Variants in ANK2 observed in about 807,000 individuals in gnomAD.
The protein encoded by ANK2 is ankyrin 2.
A neutral mutation model predicts 360.5 loss-of-function variants in ANK2; 83 were observed. The observed-to-expected ratio is 0.23, with a 90% CI of 0.19 to 0.28. The LOEUF is 0.28. ANK2 is among the 10% of genes least tolerant of loss of function. ANK2 has a pLI of 1.00. For synonymous variants in ANK2, 1,740 were observed against 1,759.5 expected (o/e 0.99, Z 0.28); for missense variants, 4,201 against 4,795.7 (o/e 0.88, Z 3.66).
At chr4:113,285,600 T>C (rs776531496) in intron 18 of ANK2, among the ~76,000 whole-genome samples, 13 of 152,076 alleles carry the variant, frequency 8.5e-5, no homozygotes, top group Non-Finnish European at 1.6e-4. Flanking sequence ...ACAGCTTCCA[T>C]GCCCTTCCTG....
In ANK2 at chr4:113,085,545, G is replaced by C. The variant is rs1413083792; in HGVS notation, c.84+35733G>C. 2.6e-5 allele frequency among the ~76,000 whole-genome samples: 4 copies of C among 152,084 alleles called. No homozygotes were observed. The East Asian group carries it at 7.7e-4, about 29-fold the overall frequency. Reference sequence around the variant, plus strand: ...GATGGTCTTGATCTCGTGACCTCATGATCCACCTGCCTCGGCCTCCCAAAG... The same window carrying C: ...GATGGTCTTGATCTCGTGACCTCATCATCCACCTGCCTCGGCCTCCCAAAG... On this transcript the variant is annotated intron_variant, in intron 1 of 45. Coordinates refer to ENST00000357077, the MANE Select transcript of ANK2 (RefSeq NM_001148.6).
chr4:112,758,637 A>G, the ANK2 span, among the ~76,000 whole-genome samples: 1 of 151,972 alleles, frequency 6.6e-6, no homozygotes, highest in East Asian at 1.9e-4. Flanking sequence ...CTGGTCTTGA[A>G]CTTCTGACCT....
chr4:113,372,712 A>G (rs2096784262), intron 43 of ANK2: 1 of 970,302 alleles, frequency 1.0e-6, no homozygotes, highest in Non-Finnish European at 1.6e-6. Context: ...AAGGCTTGGC[A>G]TGTTCCTTAG....
chr4:112,725,357 C>CTT, the ANK2 span, among the ~76,000 whole-genome samples: 2,810 of 73,592 alleles, frequency 0.038, 341 homozygotes, highest in Non-Finnish European at 0.043. Flanking sequence ...AAGACACAGT[C>CTT]TTTTTTTTTT....
intron 1 of ANK2, among the ~76,000 whole-genome samples, chr4:113,157,835 T>A (rs899276485): frequency 6.6e-6 from 1 of 152,218 alleles, no homozygotes; most frequent in Non-Finnish European, 1.5e-5. Context: ...CTGCCACTTC[T>A]TACCCCAAAG....
chr4:113,010,369 G>A (rs1021112738), intron 2 of ANK2, among the ~76,000 whole-genome samples: 3 of 151,984 alleles, frequency 2.0e-5, no homozygotes, highest in African/African-American at 7.3e-5. Context: ...TGTAATATTG[G>A]ATTAAAAATA....
At chr4:113,346,091 C>A in intron 35 of ANK2, 69 bp downstream of exon 35, 1 of 1,589,020 alleles carries the variant, frequency 6.3e-7, no homozygotes, top group Non-Finnish European at 8.6e-7. Context: ...TGTTTTAGGT[C>A]AGTGCAAAAG....
intron 2 of ANK2, among the ~76,000 whole-genome samples, chr4:112,948,482 C>G (rs751711394): frequency 6.6e-6 from 1 of 151,964 alleles, no homozygotes; most frequent in Non-Finnish European, 1.5e-5. Context: ...ACAGACAGAT[C>G]AATGAGCCAG....
intron 13 of ANK2, among the ~76,000 whole-genome samples, chr4:113,259,984 A>T (rs529760856): frequency 6.6e-6 from 1 of 152,104 alleles, no homozygotes; most frequent in Non-Finnish European, 1.5e-5. Context: ...TCTTATTTGC[A>T]TTCCAATGCT....
At chr4:113,168,589 G>C (rs1436220874) in intron 1 of ANK2, among the ~76,000 whole-genome samples, 3 of 152,202 alleles carry the variant, frequency 2.0e-5, no homozygotes, top group African/African-American at 7.2e-5. Flanking sequence ...GTTTGAGCCA[G>C]AGTGTACAAA....
At chr4:112,924,356 A>C (rs1261171139) in intron 2 of ANK2, among the ~76,000 whole-genome samples, 1 of 151,500 alleles carries the variant, frequency 6.6e-6, no homozygotes, top group Non-Finnish European at 1.5e-5. Flanking sequence ...AGACAAGGCA[A>C]GACTTCATCT....
At chr4:112,892,080 G>A (rs553609982) in intron 1 of ANK2, among the ~76,000 whole-genome samples, 1 of 152,212 alleles carries the variant, frequency 6.6e-6, no homozygotes, top group South Asian at 2.1e-4. Context: ...TGGGAATTGG[G>A]GTAGGAGAAA....
chr4:112,933,627 A>C (rs2093462584), intron 2 of ANK2, among the ~76,000 whole-genome samples: 1 of 151,770 alleles, frequency 6.6e-6, no homozygotes, highest in African/African-American at 2.4e-5. Flanking sequence ...CAGCCTCCCG[A>C]GTAGCTGGGA....
intron 2 of ANK2, among the ~76,000 whole-genome samples, chr4:112,992,067 A>G (rs2047012697): frequency 6.6e-6 from 1 of 151,968 alleles, no homozygotes; most frequent in African/African-American, 2.4e-5. Context: ...AGAATTGCAT[A>G]TAAAATCCAT....
intron 1 of ANK2, among the ~76,000 whole-genome samples, chr4:112,832,431 G>A (rs2149693910): frequency 6.6e-6 from 1 of 152,286 alleles, no homozygotes; most frequent in Non-Finnish European, 1.5e-5. Context: ...GAAAAAAATA[G>A]ATTTTGCATC....
At chr4:113,018,753 A>T (rs1421536914) in intron 2 of ANK2, among the ~76,000 whole-genome samples, 2 of 152,182 alleles carry the variant, frequency 1.3e-5, no homozygotes. Flanking sequence ...CATCCTTCAG[A>T]TCTTCTTGAA....
intron 22 of ANK2, among the ~76,000 whole-genome samples, chr4:113,301,671 G>A (rs1241376715): frequency 2.6e-5 from 4 of 152,046 alleles, no homozygotes; most frequent in Admixed American, 6.5e-5. Context: ...TCACCACCAG[G>A]TGTCTATTCT....
At chr4:112,846,509 C>T (rs1191510723) in intron 1 of ANK2, among the ~76,000 whole-genome samples, 1 of 152,066 alleles carries the variant, frequency 6.6e-6, no homozygotes, top group African/African-American at 2.4e-5. Context: ...TTTTAATCTC[C>T]ATCTTAGTTT....
chr4:112,905,397 T>G (rs1260187081), intron 2 of ANK2, among the ~76,000 whole-genome samples: 1 of 152,212 alleles, frequency 6.6e-6, no homozygotes, highest in Non-Finnish European at 1.5e-5. Context: ...CAACTTAGCT[T>G]TTTAATAAAA....
Sources: gnomAD v4.1 joint callset for allele counts (sites outside exome capture counted in the v4.1 genomes callset) on GRCh38, gnomAD v4.1.1 for gene constraint, MANE v1.5 for transcripts, NCBI Gene and HGNC (gene_info 2026-07-23, HGNC 2026-07-21) for gene names.